The following MAGI2 variants were observed in gnomAD, a reference collection of about 807,000 sequenced individuals.
MAGI2 encodes the protein membrane-associated guanylate kinase, WW and PDZ domain-containing protein 2.
A neutral mutation model predicts 133.3 loss-of-function variants in MAGI2; 35 were observed. The observed-to-expected ratio is 0.26, with a 90% CI of 0.20 to 0.35. The LOEUF (loss-of-function observed/expected upper bound fraction) is 0.35. MAGI2 is among the 10% of genes least tolerant of loss of function. MAGI2 has a pLI of 1.00. For missense variants in MAGI2, 1,636 were observed against 1,863.4 expected (o/e 0.88, Z 2.25); for synonymous variants, 729 against 710.6 (o/e 1.03, Z -0.41).
At chr7:79,417,166 G>A (rs890504459) in intron 1 of MAGI2, among the ~76,000 whole-genome samples, 3 of 152,032 alleles carry the variant, frequency 2.0e-5, no homozygotes, top group African/African-American at 7.2e-5. Flanking sequence ...GCACAAATAA[G>A]GCAGCTTCCC....
rs150335383 is a variant in MAGI2, at chr7:79,181,840, C to G, written c.302-174634G>C. On this transcript the variant is annotated intron_variant, in intron 1 of 21. Coordinates refer to ENST00000354212, the MANE Select transcript of MAGI2 (RefSeq NM_012301.4). The stretch of plus-strand genomic sequence containing the variant: ...TTAGAAATGTCTTCTGCCAGATATC[C>G]TAAATCATCTCTCTCAAGTTTGATG... 8.5e-3 allele frequency among the ~76,000 whole-genome samples: 1,294 copies of G among 152,082 alleles called. 30 individuals are homozygous for G. Among genetic ancestry groups the G allele is most frequent in the African/African-American group, 0.03 (1,238 of 41,392 alleles).
intron 1 of MAGI2, among the ~76,000 whole-genome samples, chr7:79,296,787 G>A (rs1030662836): frequency 1.3e-5 from 2 of 151,992 alleles, no homozygotes; most frequent in African/African-American, 4.8e-5. Flanking sequence ...ACAGTTGGAT[G>A]GAAAGAAGAC....
At chr7:78,141,676 A>G (rs1417698843) in intron 16 of MAGI2, among the ~76,000 whole-genome samples, 1 of 152,168 alleles carries the variant, frequency 6.6e-6, no homozygotes, top group African/African-American at 2.4e-5. Flanking sequence ...CTGGTGTTTT[A>G]AGGACTGCAT....
chr7:78,709,169 C>T (rs556214685), intron 2 of MAGI2, among the ~76,000 whole-genome samples: 11 of 152,176 alleles, frequency 7.2e-5, no homozygotes, highest in East Asian at 1.9e-4. Flanking sequence ...TAAAATCTGA[C>T]GTCTTAACTA....
chr7:79,219,281 C>A (rs566737794), intron 1 of MAGI2, among the ~76,000 whole-genome samples: 1 of 151,864 alleles, frequency 6.6e-6, no homozygotes, highest in Non-Finnish European at 1.5e-5. Context: ...CCACAAAAAA[C>A]CCTAAATAAA....
intron 10 of MAGI2, among the ~76,000 whole-genome samples, chr7:78,244,382 T>C (rs1182781796): frequency 6.6e-6 from 1 of 151,820 alleles, no homozygotes; most frequent in Non-Finnish European, 1.5e-5. Flanking sequence ...AATTAATTAC[T>C]ATGGAAGAAA....
intron 2 of MAGI2, among the ~76,000 whole-genome samples, chr7:78,775,320 TAAAAAAAAAAA>T (rs3086258): frequency 1.9e-4 from 11 of 57,378 alleles, no homozygotes; most frequent in East Asian, 1.2e-3. Context: ...CGTCTCAAAT[TAAAAAAAAAAA>T]AAAAAAAAAA....
intron 21 of MAGI2, among the ~76,000 whole-genome samples, chr7:78,074,570 A>G (rs899582515): frequency 2.6e-5 from 4 of 152,156 alleles, no homozygotes; most frequent in Non-Finnish European, 5.9e-5. Context: ...GGCTATATCT[A>G]CTGGTTAAAC....
chr7:78,613,588 G>A (rs921076788), intron 3 of MAGI2, among the ~76,000 whole-genome samples: 3 of 152,112 alleles, frequency 2.0e-5, no homozygotes, highest in African/African-American at 7.2e-5. Context: ...AGCAAATAAT[G>A]TCAATGAGCT....
intron 1 of MAGI2, among the ~76,000 whole-genome samples, chr7:79,399,852 C>T (rs1391890441): frequency 1.3e-5 from 2 of 152,138 alleles, no homozygotes; most frequent in Non-Finnish European, 2.9e-5. Flanking sequence ...AAATGTTCTC[C>T]AACTATCATA....
intron 2 of MAGI2, among the ~76,000 whole-genome samples, chr7:78,743,067 T>C (rs887071471): frequency 2.0e-5 from 3 of 152,234 alleles, no homozygotes; most frequent in Non-Finnish European, 4.4e-5. Flanking sequence ...TCCAGCCAAG[T>C]GCTTCTCAAA....
At chr7:78,151,624 G>A (rs1563186661) in intron 16 of MAGI2, among the ~76,000 whole-genome samples, 1 of 152,194 alleles carries the variant, frequency 6.6e-6, no homozygotes, top group Non-Finnish European at 1.5e-5. Flanking sequence ...CCAGGCCCCA[G>A]GCTGACTGCT....
chr7:78,280,631 G>C (rs1291090224), intron 9 of MAGI2, among the ~76,000 whole-genome samples: 1 of 152,090 alleles, frequency 6.6e-6, no homozygotes, highest in African/African-American at 2.4e-5. Context: ...TACCAGGTTA[G>C]AAAGATTAGA....
At chr7:79,452,244 C>A (rs1191433630) in intron 1 of MAGI2, among the ~76,000 whole-genome samples, 1 of 152,168 alleles carries the variant, frequency 6.6e-6, no homozygotes, top group Non-Finnish European at 1.5e-5. Flanking sequence ...AACCATTCAT[C>A]TCCTCCGACC....
chr7:78,257,078 AT>A (rs1476866330), intron 9 of MAGI2, among the ~76,000 whole-genome samples: 5 of 151,810 alleles, frequency 3.3e-5, no homozygotes, highest in African/African-American at 7.3e-5. Flanking sequence ...TTGCCCATTT[AT>A]TTTTTTCCAT....
intron 1 of MAGI2, among the ~76,000 whole-genome samples, chr7:79,378,904 TTATA>T (rs61497589): frequency 7.8e-6 from 1 of 128,072 alleles, no homozygotes; most frequent in African/African-American, 3.0e-5. Context: ...AAGTCTTCTT[TTATA>T]TATATATATG....
intron 1 of MAGI2, among the ~76,000 whole-genome samples, chr7:79,357,112 G>T (rs957880002): frequency 6.6e-6 from 1 of 152,126 alleles, no homozygotes; most frequent in Non-Finnish European, 1.5e-5. Flanking sequence ...TGACAGTCAG[G>T]CTTGTTTAAC....
chr7:78,458,725 C>G (rs1162965835), intron 6 of MAGI2, among the ~76,000 whole-genome samples: 1 of 151,828 alleles, frequency 6.6e-6, no homozygotes. Flanking sequence ...AGCTCCGCCT[C>G]CTGGGTTCAT....
chr7:78,277,803 G>A (rs1795194076), intron 9 of MAGI2, among the ~76,000 whole-genome samples: 1 of 152,146 alleles, frequency 6.6e-6, no homozygotes, highest in Non-Finnish European at 1.5e-5. Context: ...GGAAATTGGA[G>A]AGAGAACAAG....
Sources: gnomAD v4.1 joint callset for allele counts (sites outside exome capture counted in the v4.1 genomes callset) on GRCh38, gnomAD v4.1.1 for gene constraint, MANE v1.5 for transcripts, NCBI Gene and HGNC (gene_info 2026-07-23, HGNC 2026-07-21) for gene names.